Variants in ABCC5 observed in about 807,000 individuals in gnomAD.
ABCC5 encodes ATP-binding cassette sub-family C member 5.
A neutral mutation model predicts 160.9 loss-of-function variants in ABCC5; 61 were observed. That is an observed-to-expected ratio of 0.38 (90% CI 0.31 to 0.47). The LOEUF (loss-of-function observed/expected upper bound fraction) is 0.47, where lower values mean the gene tolerates loss of function less well. Among genes scored for constraint, ABCC5 ranks in the 20% least tolerant of loss-of-function variants. The pLI, the probability that ABCC5 is intolerant of heterozygous loss-of-function variation, is 0.99. For missense variants in ABCC5, 1,308 were observed against 1,813.3 expected (o/e 0.72, Z 5.06); for synonymous variants, 666 against 700.6 (o/e 0.95, Z 0.78).
chr3:183,968,854 G>T (rs762022364), intron 11 of ABCC5, among the ~76,000 whole-genome samples: 1 of 152,290 alleles, frequency 6.6e-6, no homozygotes, highest in East Asian at 1.9e-4. Context: ...TCCAGGCCCC[G>T]TGACTTAACC....
chr3:183,930,446 G>A (rs1395100215), intron 26 of ABCC5, among the ~76,000 whole-genome samples: 1 of 152,194 alleles, frequency 6.6e-6, no homozygotes, highest in African/African-American at 2.4e-5. Flanking sequence ...GTTGACCTGT[G>A]TCTCCCCAAA....
intron 10 of ABCC5, among the ~76,000 whole-genome samples, chr3:183,973,389 A>G (rs1428420128): frequency 6.6e-6 from 1 of 152,012 alleles, no homozygotes; most frequent in African/African-American, 2.4e-5. Flanking sequence ...AGAATGCTAT[A>G]CCAGTTGGAT....
intron 26 of ABCC5, among the ~76,000 whole-genome samples, chr3:183,931,120 A>C (rs1339866136): frequency 2.0e-5 from 3 of 152,160 alleles, no homozygotes; most frequent in Non-Finnish European, 2.9e-5. Flanking sequence ...AATATGCTGT[A>C]ATGAACATTA....
At chr3:184,007,719 T>C (rs949485499) in intron 2 of ABCC5, among the ~76,000 whole-genome samples, 29 of 151,958 alleles carry the variant, frequency 1.9e-4, no homozygotes, top group Non-Finnish European at 4.0e-4. Context: ...CCCAGCTACT[T>C]GGGAGACTGA....
Position 183,945,867 on chromosome 3 carries a change from T to G in ABCC5, c.3487A>C (p.Ile1163Leu). The change falls in exon 24 of 30, where the codon ATC becomes CTC. Residue 1163 changes from isoleucine to leucine, a missense_variant. Physicochemically the swap from Ile to Leu is conservative, Grantham distance 5. Transcript: ENST00000334444. ...TEARFTSVER[I>L]NHYIKTLSLE... ...AGTCTGACCTTAATGTAGTGATTGA[T>G]CCTCTCCACCGAGGTGAATCGAGCT... 6.2e-7 allele frequency: 1 copy of G among 1,614,044 alleles called. No homozygotes were observed. Among genetic ancestry groups the G allele is most frequent in the Non-Finnish European group, 8.5e-7 (1 of 1,179,946 alleles).
chr3:183,940,684 T>G (rs1373402065), intron 25 of ABCC5, among the ~76,000 whole-genome samples: 1 of 151,948 alleles, frequency 6.6e-6, no homozygotes, highest in Admixed American at 6.6e-5. Context: ...CTGGAAGACT[T>G]TAGAGTCCTC....
intron 2 of ABCC5, among the ~76,000 whole-genome samples, chr3:183,996,790 A>C (rs1323171616): frequency 6.6e-6 from 1 of 152,214 alleles, no homozygotes; most frequent in East Asian, 1.9e-4. Context: ...AGGATGGAAA[A>C]GTCTATATTG....
rs547450045 is a variant in ABCC5, at chr3:183,921,668, G to A, written c.4213-267C>T. The stretch of plus-strand genomic sequence containing the variant: ...CATAGCAAAAAAAAAAAAAGAAAAC[G>A]ACTTCCAGACCTCCTTCACATAAAT... On this transcript the variant is annotated intron_variant, in intron 29 of 29. Coordinates refer to ENST00000334444, the MANE Select transcript of ABCC5 (RefSeq NM_005688.4). This position sits in a 1 kb window ranked among gnomAD's most constrained non-coding sequence, Gnocchi z 4.1. Among the ~76,000 whole-genome samples the A allele has an allele frequency of 6.6e-5, 10 of 150,982 alleles. No homozygotes were observed. The East Asian group carries it at 9.7e-4, about 15-fold the overall frequency.
chr3:183,945,751 G>T, intron 24 of ABCC5, 99 bp downstream of exon 24: 1 of 914,610 alleles, frequency 1.1e-6, no homozygotes, highest in South Asian at 1.3e-5. Context: ...GATAGGCAGA[G>T]AACACAAGCC....
At chr3:183,985,128 C>T in intron 5 of ABCC5, 1 of 691,632 alleles carries the variant, frequency 1.4e-6, no homozygotes. Flanking sequence ...ACATTTCAAA[C>T]CATTTTTTAG....
intron 1 of ABCC5, among the ~76,000 whole-genome samples, chr3:184,016,971 G>C (rs909632680): frequency 2.6e-5 from 4 of 152,242 alleles, no homozygotes; most frequent in Non-Finnish European, 5.9e-5. Flanking sequence ...CAAGCTGCAC[G>C]AGGAAGACAC....
intron 1 of ABCC5, among the ~76,000 whole-genome samples, chr3:184,015,863 C>T (rs1001519115): frequency 1.3e-5 from 2 of 152,194 alleles, no homozygotes; most frequent in African/African-American, 4.8e-5. Flanking sequence ...ATCAGAGTAA[C>T]CTTCTTACGG....
At chr3:183,989,111 C>T in intron 3 of ABCC5, 115 bp downstream of exon 3, 4 of 1,038,564 alleles carry the variant, frequency 3.9e-6, no homozygotes, top group East Asian at 2.9e-5. Flanking sequence ...GCGGAGGTTG[C>T]AGTGAGCCGA....
rs1576903472 is a variant in ABCC5 at position 183,987,471 on chromosome 3, C to G, written c.591+299G>C. 29 of 598,558 alleles carry G rather than the reference C, an allele frequency of 4.8e-5. 1 individual carries two copies. The East Asian group carries it at 7.4e-4, about 15-fold the overall frequency. 37.1% of individuals were successfully genotyped at this position (598,558 alleles called of 1,614,324 possible). A position where few individuals can be genotyped will look rare whatever the true frequency, so the allele number is the denominator to read the frequency against. On this transcript the variant is annotated intron_variant, in intron 5 of 29. Coordinates refer to ENST00000334444, the MANE Select transcript of ABCC5 (RefSeq NM_005688.4). This position sits in a 1 kb window ranked among gnomAD's most constrained non-coding sequence, Gnocchi z 4.2. ...GCACTGCAAGACACATCTGCCTGCA[C>G]CGACTGTCAGTTCATGTTAACACAC... is the stretch of plus-strand genomic sequence containing the variant.
chr3:183,961,672 G>A lies in ABCC5; in HGVS notation c.2236-18C>T. ...ACCAGGTACTGAAGGCAAAGGCAGA[G>A]ACAACACAATATGCTGTTTGTGCAA... On this transcript the variant is annotated intron_variant, in intron 15 of 29. Coordinates refer to ENST00000334444, the MANE Select transcript of ABCC5 (RefSeq NM_005688.4). 6.2e-7 allele frequency: 1 copy of A among 1,613,914 alleles called. No homozygotes were observed. Among genetic ancestry groups the A allele is most frequent in the Non-Finnish European group, 8.5e-7 (1 of 1,179,944 alleles).
chr3:183,967,348 G>A (rs896056985), intron 12 of ABCC5: 48 of 258,978 alleles, frequency 1.9e-4, no homozygotes, highest in African/African-American at 1.0e-3. Flanking sequence ...TGTTGGCAGC[G>A]CTGCAGTGTA....
In ABCC5 at chr3:183,951,380, T is replaced by C; in HGVS notation, c.2944+61A>G. The C allele has an allele frequency of 3.1e-6, 5 of 1,589,448 alleles. No individual in the cohort carries two copies. The highest frequency in any genetic ancestry group is 1.2e-5 in the South Asian group (1 of 86,222). On this transcript the variant is annotated intron_variant, in intron 20 of 29. Transcript: ENST00000334444. The surrounding 1 kb of genome is among the most constrained non-coding windows in gnomAD (Gnocchi z 4.7). ...ACAGATCTGCACATTTGGAGAATCATCTAGAAGGCTGGAAGCACAGTGAGC... is the reference window on the plus strand; with the variant it reads ...ACAGATCTGCACATTTGGAGAATCACCTAGAAGGCTGGAAGCACAGTGAGC...
At chr3:183,962,918 T>C (rs899572899) in intron 15 of ABCC5, among the ~76,000 whole-genome samples, 5 of 152,156 alleles carry the variant, frequency 3.3e-5, no homozygotes, top group African/African-American at 1.2e-4. Context: ...TATACATAAT[T>C]ATGACTTTCT....
Position 183,950,048 on chromosome 3 carries a change from C to A in ABCC5, c.3022G>T (p.Ala1008Ser), listed in dbSNP as rs760372707. 8 of 1,614,020 alleles carry A rather than the reference C, an allele frequency of 5.0e-6. No homozygotes were observed. The South Asian group carries it at 5.5e-5, about 11-fold the overall frequency. ...ACAAGGAACCACGGGAAGACTCCTG[C>A]GATCATTCCCACACAGAAGAACACC... ...ILVFFCVGMIAGVFPWFLVAV... is the reference protein window; with the variant it reads ...ILVFFCVGMISGVFPWFLVAV... Residue 1008 changes from alanine (A) to serine (S), a missense_variant, in exon 21 of 30, where the codon GCA (alanine) becomes TCA (serine). Ala to Ser is a moderately conservative substitution (Grantham distance 99, BLOSUM62 1). Transcript: ENST00000334444.
Sources: gnomAD v4.1 joint callset for allele counts (sites outside exome capture counted in the v4.1 genomes callset) on GRCh38, gnomAD v4.1.1 for gene constraint, Gnocchi (gnomAD v3.1) non-coding constraint, MANE v1.5 for transcripts, NCBI Gene and HGNC (gene_info 2026-07-23, HGNC 2026-07-21) for gene names.